The following ANO9 variants were observed in gnomAD, a reference collection of about 807,000 sequenced individuals.
ANO9 encodes anoctamin-9.
ANO9 carries 80 observed loss-of-function variants against 100.5 expected under a neutral mutation model. That is an observed-to-expected ratio of 0.80 (90% confidence interval 0.66 to 0.96). ANO9 has a LOEUF of 0.96. Among genes scored for constraint, ANO9 ranks in the 40% least tolerant of loss-of-function variants. The pLI is 0.00. For missense variants in ANO9, 1,064 were observed against 1,072.7 expected, an observed-to-expected ratio of 0.99 and a Z score of 0.11; for synonymous variants, 473 against 435.6, an observed-to-expected ratio of 1.09 and a Z score of -1.07.
chr11:418,688 C>T (rs748198807), intron 22 of ANO9, 32 bp downstream of exon 22: 1 of 1,612,308 alleles, frequency 6.2e-7, no homozygotes. Context: ...CTGCCCAGAC[C>T]CACTCCGAGG....
Position 420,557 on chromosome 11 carries a change from G to T in ANO9, c.1692C>A (p.Leu564=), listed in dbSNP as rs958037368. 1 of 1,605,686 alleles carries T rather than the reference G, an allele frequency of 6.2e-7. No homozygotes were observed. Among genetic ancestry groups the T allele is most frequent in the Non-Finnish European group, 8.5e-7 (1 of 1,179,572 alleles). The change falls in exon 19 of 23, where the codon CTC becomes CTA. Residue 564 remains leucine, a synonymous_variant. Coordinates refer to ENST00000332826, the MANE Select transcript of ANO9 (RefSeq NM_001012302.3). ...TCTCCACGAGGTTGCTGAAGAGCGC[G>T]AGCAGCGGCGCCAGCGGGAAGGCGG... ...FVAAFPLAPL[L]ALFSNLVEIR...
intron 19 of ANO9, 61 bp from the exon 20 acceptor site, chr11:419,790 C>A: frequency 1.3e-6 from 2 of 1,581,282 alleles, no homozygotes; most frequent in Non-Finnish European, 1.7e-6. Context: ...TCTGCCCTCA[C>A]CCCCACCCCC....
rs550495253 is a variant in ANO9, at chr11:432,072, G to T, written c.351-18C>A. 1.2e-6 allele frequency: 2 copies of T among 1,612,308 alleles called. No homozygotes were observed. The highest frequency in any genetic ancestry group is 4.5e-5 in the East Asian group (2 of 44,874). Reference sequence around the variant, plus strand: ...TTCTGAGACTCAAGAGCCAGAGCAGGGTGGCCCCGTGTGACCACAGTGGAC... The same window carrying T: ...TTCTGAGACTCAAGAGCCAGAGCAGTGTGGCCCCGTGTGACCACAGTGGAC... On this transcript the variant is annotated intron_variant, in intron 4 of 22. Coordinates refer to ENST00000332826, the MANE Select transcript of ANO9 (RefSeq NM_001012302.3). This position sits in a 1 kb window ranked among gnomAD's most constrained non-coding sequence, Gnocchi z 4.8.
At chr11:426,581 A>C (rs1848534193) in intron 15 of ANO9, among the ~76,000 whole-genome samples, 1 of 152,082 alleles carries the variant, frequency 6.6e-6, no homozygotes, top group Non-Finnish European at 1.5e-5. Context: ...TCTAAAAGTA[A>C]ATAAATAAAA....
chr11:435,124 G>A (rs966643118), intron 1 of ANO9, among the ~76,000 whole-genome samples: 1 of 151,712 alleles, frequency 6.6e-6, no homozygotes, highest in Non-Finnish European at 1.5e-5. Context: ...GCATAGCATA[G>A]CATAGTGTAG....
rs114856417 is a variant in ANO9, at chr11:428,517, G to A, written c.1143C>T (p.Thr381=). The stretch of plus-strand genomic sequence containing the variant: ...TGGTCACATAGTGCACCAGAGCCCC[G>A]GTCACCACCACGGCCGTGGTCACCT... ...EEQVTTAVVV[T]GALVHYVTII... The change falls in exon 13 of 23, where the codon ACC becomes ACT. Residue 381 remains threonine, a synonymous_variant. Transcript: ENST00000332826. 87 of 1,612,520 alleles carry A rather than the reference G, an allele frequency of 5.4e-5. No homozygotes were observed. The highest frequency in any genetic ancestry group is 5.3e-5 in the African/African-American group (4 of 74,922).
In ANO9 at chr11:429,626, G is replaced by T; in HGVS notation, c.859C>A (p.Arg287=). 6.2e-7 allele frequency: 1 copy of T among 1,612,598 alleles called. No homozygotes were observed. Among genetic ancestry groups the T allele is most frequent in the Non-Finnish European group, 8.5e-7 (1 of 1,179,870 alleles). ...TGCAGGACCACGCGGGCGCGCTGCC[G>T]CTTCCAGATCTCCAGGAACACCGTG... ...WATVFLEIWK[R]QRARVVLHWD... Residue 287 remains arginine, a synonymous_variant, in exon 11 of 23, where the codon CGG becomes AGG. Coordinates refer to ENST00000332826, the MANE Select transcript of ANO9 (RefSeq NM_001012302.3).
intron 6 of ANO9, 36 bp from the exon 7 acceptor site, chr11:431,803 C>T (rs750997310): frequency 9.3e-6 from 15 of 1,612,120 alleles, no homozygotes; most frequent in Non-Finnish European, 1.3e-5. Flanking sequence ...GCCCCCATCC[C>T]AGGGTCCCAC....
intron 8 of ANO9, 24 bp downstream of exon 8, chr11:430,245 T>C: frequency 6.4e-7 from 1 of 1,553,466 alleles, no homozygotes; most frequent in East Asian, 2.4e-5. Flanking sequence ...CGGCCCCCCA[T>C]GCCCGGCCCC....
rs759115851 is a variant in ANO9 at position 433,330 on chromosome 11, T to C, written c.334A>G (p.Ile112Val). 2.5e-6 allele frequency: 4 copies of C among 1,612,408 alleles called. No homozygotes were observed. The South Asian group carries it at 4.4e-5, about 18-fold the overall frequency. ...GCCTCTCACCTCGTGGTGACCGGGA[T>C]GGTGGTCGGCGCGGCCAGCTCGGCG... ...PHAELAAPTTIPVTTSLRIRI... is the reference protein window; with the variant it reads ...PHAELAAPTTVPVTTSLRIRI... Residue 112 changes from isoleucine (I) to valine (V), a missense_variant, in exon 4 of 23, where the codon ATC becomes GTC. Coordinates refer to ENST00000332826, the MANE Select transcript of ANO9 (RefSeq NM_001012302.3).
At position 420,718 on chromosome 11, in the gene ANO9, T is replaced by G. The variant is rs781386541; in HGVS notation, c.1633A>C (p.Met545Leu). 7.5e-6 allele frequency: 12 copies of G among 1,607,496 alleles called. No homozygotes were observed. The highest frequency in any genetic ancestry group is 1.0e-5 in the Non-Finnish European group (12 of 1,177,712). The change falls in exon 18 of 23, where the codon ATG becomes CTG. Residue 545 changes from methionine (M) to leucine (L), a missense_variant and splice_region_variant. By Grantham distance (15) the Met-to-Leu change is conservative. Transcript: ENST00000332826. ...CCCCCGCCCCGCAGCGCCCACGCAC[T>G]CATCTCCATGAACTCGTCGAACAGG... ...FSLFDEFMEMMIQYGFTTIFV... is the reference protein window; with the variant it reads ...FSLFDEFMEMLIQYGFTTIFV...
At chr11:435,921 C>T (rs997386345) in intron 1 of ANO9, among the ~76,000 whole-genome samples, 3 of 150,468 alleles carry the variant, frequency 2.0e-5, no homozygotes, top group Non-Finnish European at 3.0e-5. Flanking sequence ...ATGGTCTAGT[C>T]TAGTCTAGTA....
intron 22 of ANO9, 51 bp downstream of exon 22, chr11:418,669 G>A: frequency 6.2e-7 from 1 of 1,611,310 alleles, no homozygotes; most frequent in Non-Finnish European, 8.5e-7. Context: ...AGAAGGACTG[G>A]GGAGAGCACT....
chr11:420,183 C>T, intron 19 of ANO9: 1 of 1,389,000 alleles, frequency 7.2e-7, no homozygotes, highest in Non-Finnish European at 9.3e-7. Flanking sequence ...GTTCCAGCCC[C>T]AGCCACTGGC....
rs1296619255 is a variant in ANO9, at chr11:419,508, G to T, written c.1934+74C>A. On this transcript the variant is annotated intron_variant, in intron 20 of 22. Transcript: ENST00000332826. Reference sequence around the variant, plus strand: ...GGTCCAGCCATTCCCAGGAGAAAGGGTCTGGATCCCCCAGGGCTTGGCTGT... The same window carrying T: ...GGTCCAGCCATTCCCAGGAGAAAGGTTCTGGATCCCCCAGGGCTTGGCTGT... The T allele has an allele frequency of 3.2e-6, 5 of 1,563,654 alleles. No individual in the cohort carries two copies. In the Admixed American group the frequency reaches 9.0e-5, roughly 28 times the overall value.
At chr11:433,233 C>T in intron 4 of ANO9, 81 bp downstream of exon 4, 2 of 1,525,698 alleles carry the variant, frequency 1.3e-6, no homozygotes, top group Non-Finnish European at 1.8e-6. Flanking sequence ...TGGAGCCTGG[C>T]ACTGTCTCCT....
Position 432,232 on chromosome 11 carries a change from T to A in ANO9, c.351-178A>T, listed in dbSNP as rs1047357600. 80 of 644,254 alleles carry A rather than the reference T, an allele frequency of 1.2e-4. 2 individuals are homozygous for A. The South Asian group carries it at 1.5e-3, about 12-fold the overall frequency. 39.9% of individuals were successfully genotyped at this position (644,254 alleles called of 1,614,324 possible). ...TCACCCGGGAGCCCACCCCGCACCC[T>A]CCTTAAAGTGCTCCCAGGGCCTGGC... is the stretch of plus-strand genomic sequence containing the variant. On this transcript the variant is annotated intron_variant, in intron 4 of 22. Coordinates refer to ENST00000332826, the MANE Select transcript of ANO9 (RefSeq NM_001012302.3). This position sits in a 1 kb window ranked among gnomAD's most constrained non-coding sequence, Gnocchi z 4.8.
In ANO9 at chr11:432,017, T is replaced by A. The variant is rs1849051032; in HGVS notation, c.388A>T (p.Asn130Tyr). The A allele has an allele frequency of 6.2e-7, 1 of 1,612,970 alleles. No homozygotes were observed. The highest frequency in any genetic ancestry group is 1.7e-5 in the Admixed American group (1 of 59,984). ...IRIVNFVVMN[N>Y]KTSAGETFED... ...CCCTTACCACCAGCCGAGGTCTTGT[T>A]GTTCATGACAACGAAGTTCACGATT... The change falls in exon 5 of 23, where the codon AAC (asparagine) becomes TAC (tyrosine). Residue 130 changes from asparagine to tyrosine, a missense_variant. By Grantham distance (143) the Asn-to-Tyr change is moderately radical (BLOSUM62 -2). Coordinates refer to ENST00000332826, the MANE Select transcript of ANO9 (RefSeq NM_001012302.3). The surrounding 1 kb of genome is among the most constrained non-coding windows in gnomAD (Gnocchi z 4.8).
chr11:435,261 ATAGTCTAGTC>A (rs59912016), intron 1 of ANO9, among the ~76,000 whole-genome samples: 72 of 150,346 alleles, frequency 4.8e-4, no homozygotes, highest in African/African-American at 1.3e-3. Context: ...CTAGTATGGT[ATAGTCTAGTC>A]TAGTCTAGTC....
Sources: allele counts gnomAD v4.1 joint callset (sites outside exome capture counted in the v4.1 genomes callset), GRCh38; gene constraint gnomAD v4.1.1; non-coding constraint Gnocchi (gnomAD v3.1); transcripts MANE v1.5; gene names NCBI Gene and HGNC (gene_info 2026-07-23, HGNC 2026-07-21).